CPSF3: variants seen among roughly 807,000 people sequenced by gnomAD.
CPSF3 encodes the protein cleavage and polyadenylation specific factor 3, also known as cleavage and polyadenylation specificity factor subunit 3.
Under a neutral mutation model 84.1 loss-of-function variants are expected in CPSF3, and 57 were observed. The observed-to-expected ratio is 0.68, with a 90% CI of 0.55 to 0.85. The LOEUF is 0.85. Among genes scored for constraint, CPSF3 ranks in the 40% least tolerant of loss-of-function variants. The pLI is 0.00. For synonymous variants in CPSF3, 275 were observed against 278.1 expected (o/e 0.99, Z 0.11); for missense variants, 522 against 838.8 (o/e 0.62, Z 4.66).
chr2:9,449,770 T>C (rs1016806983), intron 11 of CPSF3, among the ~76,000 whole-genome samples: 1 of 152,082 alleles, frequency 6.6e-6, no homozygotes, highest in Non-Finnish European at 1.5e-5. Context: ...TTAATCATTT[T>C]TGAGAGTGAA....
intron 10 of CPSF3, among the ~76,000 whole-genome samples, chr2:9,446,150 A>G (rs1037561147): frequency 1.3e-5 from 2 of 152,216 alleles, no homozygotes; most frequent in Admixed American, 6.5e-5. Flanking sequence ...CATCTACCAC[A>G]TGTGAGAGGC....
intron 11 of CPSF3, among the ~76,000 whole-genome samples, chr2:9,449,579 G>A (rs894048018): frequency 5.9e-5 from 9 of 151,840 alleles, no homozygotes; most frequent in Admixed American, 2.0e-4. Context: ...CAGTCTCTAC[G>A]AAAAATACAA....
chr2:9,455,825 A>G, intron 13 of CPSF3, 68 bp downstream of exon 13: 1 of 1,109,862 alleles, frequency 9.0e-7, no homozygotes, highest in South Asian at 1.4e-5. Context: ...TCTATCTAGA[A>G]AAGAATGTTA....
chr2:9,427,985 T>A (rs538389258), intron 1 of CPSF3, among the ~76,000 whole-genome samples: 83 of 149,700 alleles, frequency 5.5e-4, no homozygotes, highest in East Asian at 9.7e-4. Flanking sequence ...ATAAGTATTT[T>A]AAAAAAAAAA....
At chr2:9,464,091 G>A (rs1442437030) in intron 15 of CPSF3, among the ~76,000 whole-genome samples, 1 of 152,108 alleles carries the variant, frequency 6.6e-6, no homozygotes, top group Non-Finnish European at 1.5e-5. Flanking sequence ...GTGTGTGTGT[G>A]TCTAACCAAC....
chr2:9,465,700 C>T (rs1681881372), intron 15 of CPSF3, among the ~76,000 whole-genome samples: 1 of 151,636 alleles, frequency 6.6e-6, no homozygotes, highest in South Asian at 2.1e-4. Flanking sequence ...ACTCTTAAGG[C>T]CCCCCATCCT....
At chr2:9,450,279 T>C (rs1326741299) in intron 11 of CPSF3, among the ~76,000 whole-genome samples, 3 of 151,662 alleles carry the variant, frequency 2.0e-5, no homozygotes, top group African/African-American at 7.3e-5. Flanking sequence ...AGCCTCCTGA[T>C]TAGCTGGGAT....
intron 14 of CPSF3, 98 bp downstream of exon 14, chr2:9,457,125 A>G: frequency 1.5e-6 from 1 of 661,344 alleles, no homozygotes; most frequent in African/African-American, 1.8e-5. Context: ...CCAATTAGAA[A>G]AAGAATATTG....
At chr2:9,449,299 A>C (rs939662565) in intron 11 of CPSF3, among the ~76,000 whole-genome samples, 25 of 152,222 alleles carry the variant, frequency 1.6e-4, no homozygotes, top group African/African-American at 6.0e-4. Flanking sequence ...TTGAGGCGGG[A>C]GAATCCCTTG....
rs1682244389 is a variant in CPSF3 at position 9,473,098 on chromosome 2, G to A, written c.*81G>A. 8 of 965,270 alleles carry A rather than the reference G, an allele frequency of 8.3e-6. No individual in the cohort carries two copies. In the South Asian group the frequency reaches 9.9e-5, roughly 12 times the overall value. 59.8% of individuals were successfully genotyped at this position (965,270 alleles called of 1,614,324 possible). A position where few individuals can be genotyped will look rare whatever the true frequency, so the allele number is the denominator to read the frequency against. On this transcript the variant is annotated 3_prime_UTR_variant, in exon 18 of 18. Coordinates refer to ENST00000238112, the MANE Select transcript of CPSF3 (RefSeq NM_016207.4). ...AAATAAAATGCATTCGTTTCTCTGG[G>A]GGAGCCTGTTTACTTTTAATGTCAA... is the stretch of plus-strand genomic sequence containing the variant.
chr2:9,461,594 CG>C (rs564068520), intron 15 of CPSF3, among the ~76,000 whole-genome samples: 1 of 151,482 alleles, frequency 6.6e-6, no homozygotes, highest in Non-Finnish European at 1.5e-5. Flanking sequence ...TGCTTGAAAC[CG>C]GGGGGCGGAG....
chr2:9,425,555 T>G (rs146351657), intron 1 of CPSF3, among the ~76,000 whole-genome samples: 239 of 152,204 alleles, frequency 1.6e-3, no homozygotes, highest in Non-Finnish European at 2.3e-3. Flanking sequence ...CAGGATTTTG[T>G]GGCTGATCAG....
chr2:9,446,061 G>A (rs1432243274), intron 10 of CPSF3, among the ~76,000 whole-genome samples: 1 of 152,236 alleles, frequency 6.6e-6, no homozygotes, highest in Non-Finnish European at 1.5e-5. Flanking sequence ...ATTCTGTTCA[G>A]GCAGCCAGGC....
chr2:9,468,303 C>T (rs538473862), intron 16 of CPSF3, among the ~76,000 whole-genome samples: 1 of 152,194 alleles, frequency 6.6e-6, no homozygotes, highest in Admixed American at 6.5e-5. Flanking sequence ...ATGATCTTGG[C>T]TCATTGCAGC....
chr2:9,428,935 AGTACAT>A lies in CPSF3; in HGVS notation c.114+111_114+116del, dbSNP rs1680485377. The stretch of plus-strand genomic sequence containing the variant: ...TTTTTAGCTCCCAGAAAAATGTTAT[AGTACAT>A]GTAATCTATGCTGTATAGTGTTAAT... On this transcript the variant is annotated intron_variant, in intron 2 of 17. Coordinates refer to ENST00000238112, the MANE Select transcript of CPSF3 (RefSeq NM_016207.4). 3 of 684,636 alleles carry A rather than the reference AGTACAT, an allele frequency of 4.4e-6. No individual in the cohort carries two copies. In the South Asian group the frequency reaches 5.3e-5, roughly 12 times the overall value. 42.4% of individuals were successfully genotyped at this position (684,636 alleles called of 1,614,324 possible). A position where few individuals can be genotyped will look rare whatever the true frequency, so the allele number is the denominator to read the frequency against.
intron 16 of CPSF3, among the ~76,000 whole-genome samples, chr2:9,469,191 G>C (rs758815596): frequency 6.6e-6 from 1 of 152,146 alleles, no homozygotes; most frequent in Non-Finnish European, 1.5e-5. Context: ...GTCTGCCAGC[G>C]TTGAAGTCTG....
At chr2:9,466,544 C>T (rs191144368) in intron 15 of CPSF3, among the ~76,000 whole-genome samples, 8 of 152,258 alleles carry the variant, frequency 5.3e-5, no homozygotes, top group African/African-American at 9.6e-5. Flanking sequence ...TACAGTGAGC[C>T]GTGATCATAC....
chr2:9,426,700 C>T (rs1680404824), intron 1 of CPSF3, among the ~76,000 whole-genome samples: 1 of 151,930 alleles, frequency 6.6e-6, no homozygotes, highest in East Asian at 1.9e-4. Context: ...TCAGAGAAGC[C>T]AAGGGAGAGG....
chr2:9,451,680 A>C (rs1681333500), intron 11 of CPSF3, among the ~76,000 whole-genome samples: 1 of 151,802 alleles, frequency 6.6e-6, no homozygotes, highest in Non-Finnish European at 1.5e-5. Flanking sequence ...CCTGGGTGAC[A>C]GAGCAAGACT....
Sources: allele counts gnomAD v4.1 joint callset (sites outside exome capture counted in the v4.1 genomes callset), GRCh38; gene constraint gnomAD v4.1.1; transcripts MANE v1.5; gene names NCBI Gene and HGNC (gene_info 2026-07-23, HGNC 2026-07-21).